The following PIEZO2 variants were observed in gnomAD, a reference collection of about 807,000 sequenced individuals.
PIEZO2 encodes piezo type mechanosensitive ion channel component 2, also known as piezo-type mechanosensitive ion channel component 2.
PIEZO2 carries 172 observed loss-of-function variants against 337.3 expected under a neutral mutation model. That is an observed-to-expected ratio of 0.51 (90% CI 0.45 to 0.58). PIEZO2 has a LOEUF of 0.58. Among genes scored for constraint, PIEZO2 ranks in the 20% least tolerant of loss-of-function variants. The probability of loss-of-function intolerance (pLI) is 0.00; values close to 1 mark genes in which losing one functional copy is unlikely to be tolerated. For synonymous variants in PIEZO2, 1,251 were observed against 1,228.5 expected, an observed-to-expected ratio of 1.02 and a Z score of -0.38; for missense variants, 3,028 against 3,391.3, an observed-to-expected ratio of 0.89 and a Z score of 2.66.
chr18:10,722,094 T>C (rs182704554), intron 36 of PIEZO2, among the ~76,000 whole-genome samples: 1 of 147,002 alleles, frequency 6.8e-6, no homozygotes, highest in African/African-American at 2.5e-5. Flanking sequence ...GAGGTTGCAA[T>C]GAGCTGATTT....
At chr18:10,732,273 T>G (rs923169668) in intron 35 of PIEZO2, among the ~76,000 whole-genome samples, 3 of 152,172 alleles carry the variant, frequency 2.0e-5, no homozygotes, top group African/African-American at 7.2e-5. Flanking sequence ...GTCAGCCATA[T>G]AGCAACAAGA....
At chr18:10,674,613 T>C (rs1384911412) in intron 54 of PIEZO2, among the ~76,000 whole-genome samples, 2 of 152,210 alleles carry the variant, frequency 1.3e-5, no homozygotes, top group African/African-American at 4.8e-5. Context: ...TAGTGGCCCA[T>C]GTTGGAGAAT....
In PIEZO2 at chr18:10,693,722, A is replaced by G. The variant is rs528242678; in HGVS notation, c.7191-2339T>C. Among the ~76,000 whole-genome samples the G allele has an allele frequency of 7.3e-5, 11 of 151,612 alleles. No homozygotes were observed. The South Asian group carries it at 1.7e-3, about 23-fold the overall frequency. On this transcript the variant is annotated intron_variant, in intron 47 of 55. Transcript: ENST00000674853. Reference sequence around the variant, plus strand: ...TGCTGGCCTGGGATTAGGATCTAGTATCACCATTCACTGGCTGAATGACTT... The same window carrying G: ...TGCTGGCCTGGGATTAGGATCTAGTGTCACCATTCACTGGCTGAATGACTT...
At chr18:11,082,666 A>G (rs1315523061) in intron 1 of PIEZO2, among the ~76,000 whole-genome samples, 1 of 152,178 alleles carries the variant, frequency 6.6e-6, no homozygotes, top group Non-Finnish European at 1.5e-5. Flanking sequence ...AGAAACAAAT[A>G]ATTCTTAAAG....
In PIEZO2 at chr18:10,888,632, G is replaced by A. The variant is rs559671169; in HGVS notation, c.330-17217C>T. Among the ~76,000 whole-genome samples the A allele has an allele frequency of 1.3e-5, 2 of 151,746 alleles. No homozygotes were observed. The highest frequency in any genetic ancestry group is 2.1e-4 in the South Asian group (1 of 4,798). ...GTGTATCTGTGTTTTTAAAACCCAC[G>A]TGTTCATTCTGGTACTTTCAACTTG... On this transcript the variant is annotated intron_variant, in intron 4 of 55. Transcript: ENST00000674853. This position sits in a 1 kb window ranked among gnomAD's most constrained non-coding sequence, Gnocchi z 4.1.
intron 3 of PIEZO2, among the ~76,000 whole-genome samples, chr18:10,947,608 T>A (rs533191306): frequency 3.3e-5 from 5 of 152,188 alleles, no homozygotes; most frequent in Admixed American, 6.5e-5. Flanking sequence ...AAAAAGAAAG[T>A]CCTTCAGATG....
rs2037354844 is a variant in PIEZO2 at position 11,047,418 on chromosome 18, G to A, written c.160+18709C>T. 6.6e-6 allele frequency among the ~76,000 whole-genome samples: 1 copy of A among 152,152 alleles called. No homozygotes were observed. The highest frequency in any genetic ancestry group is 2.4e-5 in the African/African-American group (1 of 41,424). ...AGGCTCCTGCCTATCCCACAAGACG[G>A]CCCGGGGGAATTGTCCAAGAACAGG... On this transcript the variant is annotated intron_variant, in intron 2 of 55. Transcript: ENST00000674853. The surrounding 1 kb of genome is among the most constrained non-coding windows in gnomAD (Gnocchi z 7.2).
chr18:11,046,746 C>T (rs1046277590), intron 2 of PIEZO2, among the ~76,000 whole-genome samples: 5 of 152,160 alleles, frequency 3.3e-5, no homozygotes, highest in Admixed American at 6.5e-5. Flanking sequence ...TAGTTCTGCA[C>T]GGAATGGTCA....
chr18:11,034,705 G>A (rs2036862589), intron 2 of PIEZO2, among the ~76,000 whole-genome samples: 1 of 152,118 alleles, frequency 6.6e-6, no homozygotes, highest in South Asian at 2.1e-4. Flanking sequence ...CTCTCCCAGA[G>A]GCTGGGTGCT....
chr18:11,133,764 C>T (rs1427606541), intron 1 of PIEZO2, among the ~76,000 whole-genome samples: 11 of 151,208 alleles, frequency 7.3e-5, no homozygotes, highest in Middle Eastern at 3.4e-3. Context: ...CTTGTGATCG[C>T]GTAAGTTAAT....
intron 34 of PIEZO2, 54 bp downstream of exon 34, chr18:10,736,550 G>A (rs780581515): frequency 1.2e-4 from 190 of 1,533,590 alleles, no homozygotes; most frequent in Non-Finnish European, 1.6e-4. Flanking sequence ...ATGAAGGTCC[G>A]TCAATAAGAA....
chr18:10,672,751 C>T lies in PIEZO2; in HGVS notation c.8284G>A (p.Glu2762Lys), dbSNP rs761065211. Residue 2762 changes from glutamate to lysine, a missense_variant, in exon 55 of 56, where the codon GAA (glutamate) becomes AAA (lysine). Physicochemically the swap from Glu to Lys is moderately conservative, Grantham distance 56 (BLOSUM62 1). Transcript: ENST00000674853. This position sits in a 1 kb window ranked among gnomAD's most constrained non-coding sequence, Gnocchi z 4.7. ...ACTTTGTCATTGAAGACCACCAGTT[C>T]CAGGGCCTGAGAGTTCGGATTGTAT... ...RIYNPNSQAL[E>K]LVVFNDKVSP... The T allele has an allele frequency of 6.2e-7, 1 of 1,614,148 alleles. No homozygotes were observed. Among genetic ancestry groups the T allele is most frequent in the Non-Finnish European group, 8.5e-7 (1 of 1,180,002 alleles).
At position 11,143,713 on chromosome 18, in the gene PIEZO2, A is replaced by G. The variant is rs2040735798; in HGVS notation, c.64+4812T>C. The stretch of plus-strand genomic sequence containing the variant: ...CATAATTTGGCTCTAGGAAGGCACT[A>G]AGTTGCCTTCCCGTGAATCCCACAT... On this transcript the variant is annotated intron_variant, in intron 1 of 55. Transcript: ENST00000674853. The surrounding 1 kb of genome is among the most constrained non-coding windows in gnomAD (Gnocchi z 4.9). Among the ~76,000 whole-genome samples the G allele has an allele frequency of 6.8e-6, 1 of 148,066 alleles. No homozygotes were observed. Among genetic ancestry groups the G allele is most frequent in the Non-Finnish European group, 1.5e-5 (1 of 67,478 alleles).
chr18:10,871,305 G>T lies in PIEZO2; in HGVS notation c.440C>A (p.Pro147His). The change falls in exon 5 of 56, where the codon CCT becomes CAT. Residue 147 changes from proline to histidine, a missense_variant. Pro to His is a moderately conservative substitution (Grantham distance 77). Coordinates refer to ENST00000674853, the MANE Select transcript of PIEZO2 (RefSeq NM_001378183.1). ...WLLCRNIVQK[P>H]VTDEAAQSNP... The stretch of plus-strand genomic sequence containing the variant: ...ACTCTGTGCTGCTTCGTCTGTCACA[G>T]GTTTCTGAACAATGTTTCTACAGAG... 6.5e-7 allele frequency: 1 copy of T among 1,537,194 alleles called. No homozygotes were observed. The highest frequency in any genetic ancestry group is 8.7e-7 in the Non-Finnish European group (1 of 1,146,856).
intron 3 of PIEZO2, among the ~76,000 whole-genome samples, chr18:10,939,137 A>G (rs995440093): frequency 9.2e-5 from 14 of 152,238 alleles, no homozygotes; most frequent in Non-Finnish European, 1.8e-4. Context: ...TTCTTTAAAA[A>G]GTGGGAGTTT....
At chr18:10,698,838 A>G (rs189739039) in intron 44 of PIEZO2, 87 bp downstream of exon 44, 1 of 1,463,586 alleles carries the variant, frequency 6.8e-7, no homozygotes, top group Admixed American at 2.4e-5. Context: ...CACCCAATAC[A>G]CTCCCTTGCC....
rs1463896657 is a variant in PIEZO2 at position 10,727,815 on chromosome 18, G to A, written c.5029+3592C>T. The stretch of plus-strand genomic sequence containing the variant: ...CAGCTGCAGTTGTCCCTGAGGGACA[G>A]GCCCTAGAGTTTGGTGGCCCAAGTC... On this transcript the variant is annotated intron_variant, in intron 36 of 55. Coordinates refer to ENST00000674853, the MANE Select transcript of PIEZO2 (RefSeq NM_001378183.1). This position sits in a 1 kb window ranked among gnomAD's most constrained non-coding sequence, Gnocchi z 6.3. 6.6e-6 allele frequency: 1 copy of A among 152,298 alleles called. No homozygotes were observed. Among genetic ancestry groups the A allele is most frequent in the African/African-American group, 2.4e-5 (1 of 41,458 alleles). 9.4% of individuals were successfully genotyped at this position (152,298 alleles called of 1,614,324 possible). A position where few individuals can be genotyped will look rare whatever the true frequency, so the allele number is the denominator to read the frequency against.
intron 2 of PIEZO2, among the ~76,000 whole-genome samples, chr18:11,015,335 G>T (rs1017643084): frequency 4.6e-5 from 7 of 152,128 alleles, no homozygotes; most frequent in African/African-American, 1.7e-4. Flanking sequence ...CCTCAGTATG[G>T]GGCATGCCAC....
intron 3 of PIEZO2, among the ~76,000 whole-genome samples, chr18:10,946,416 CTG>C (rs947885647): frequency 2.0e-5 from 3 of 152,194 alleles, no homozygotes; most frequent in African/African-American, 7.2e-5. Context: ...CACTGGGAAA[CTG>C]TGATTCTACC....
Sources: gnomAD v4.1 joint callset for allele counts (sites outside exome capture counted in the v4.1 genomes callset) on GRCh38, gnomAD v4.1.1 for gene constraint, Gnocchi (gnomAD v3.1) non-coding constraint, MANE v1.5 for transcripts, NCBI Gene and HGNC (gene_info 2026-07-23, HGNC 2026-07-21) for gene names.